Variants in HTR7 observed in about 807,000 individuals in gnomAD.
HTR7 encodes 5-hydroxytryptamine receptor 7.
In HTR7, 16 loss-of-function variants were observed where a neutral mutation model predicts 34.0. The ratio of observed to expected loss-of-function variants is 0.47; its 90% CI spans 0.32 to 0.71. The LOEUF is 0.71. Among genes scored for constraint, HTR7 ranks in the 30% least tolerant of loss-of-function variants. The pLI is 0.04. For synonymous variants in HTR7, 265 were observed against 260.2 expected, an observed-to-expected ratio of 1.02 and a Z score of -0.18; for missense variants, 504 against 625.5, an observed-to-expected ratio of 0.81 and a Z score of 2.07.
intron 1 of HTR7, among the ~76,000 whole-genome samples, chr10:90,853,808 C>G (rs886492705): frequency 6.6e-6 from 1 of 152,178 alleles, no homozygotes; most frequent in African/African-American, 2.4e-5. Flanking sequence ...ATAGACCATT[C>G]TTGCTTCTTC....
intron 1 of HTR7, among the ~76,000 whole-genome samples, chr10:90,854,522 AAAG>A (rs1195768060): frequency 6.6e-6 from 1 of 151,494 alleles, no homozygotes; most frequent in Non-Finnish European, 1.5e-5. Context: ...TTTTAACTGG[AAAG>A]AAGTAAAAAG....
chr10:90,783,407 C>T (rs1333059688), intron 1 of HTR7, among the ~76,000 whole-genome samples: 7 of 152,144 alleles, frequency 4.6e-5, no homozygotes, highest in Non-Finnish European at 8.8e-5. Context: ...TTCCTGCCTC[C>T]AGAATGCAGC....
chr10:90,839,067 G>A (rs950976334), intron 1 of HTR7, among the ~76,000 whole-genome samples: 2 of 152,150 alleles, frequency 1.3e-5, no homozygotes, highest in Non-Finnish European at 2.9e-5. Context: ...GATAAATCCT[G>A]TATAACTCAC....
Position 90,749,289 on chromosome 10 carries a change from T to G in HTR7, c.845A>C (p.Glu282Ala). The G allele has an allele frequency of 1.2e-6, 2 of 1,614,152 alleles. No homozygotes were observed. The highest frequency in any genetic ancestry group is 2.7e-5 in the African/African-American group (2 of 75,046). ...KHKFPGFPRV[E>A]PDSVIALNGI... ...ATTCAGGGCGATGACGCTGTCTGGC[T>G]CCACTCGAGGGAAGCCAGGAAACTT... is the stretch of plus-strand genomic sequence containing the variant. Residue 282 changes from glutamate (E) to alanine (A), a missense_variant, in exon 2 of 4, where the codon GAG becomes GCG. Physicochemically the swap from Glu to Ala is moderately radical, Grantham distance 107 (BLOSUM62 -1). Around this residue, in one of 4 missense-constraint regions of HTR7, gnomAD observed 57 missense variants for 47.5 expected, o/e 1.20. Coordinates refer to ENST00000336152, the MANE Select transcript of HTR7 (RefSeq NM_019859.4). The surrounding 1 kb of genome is among the most constrained non-coding windows in gnomAD (Gnocchi z 4.2).
At chr10:90,762,991 A>G (rs1288560715) in intron 1 of HTR7, among the ~76,000 whole-genome samples, 1 of 152,090 alleles carries the variant, frequency 6.6e-6, no homozygotes, top group Non-Finnish European at 1.5e-5. Flanking sequence ...TGTTACATTG[A>G]TCTATGTGTC....
At chr10:90,774,437 T>G (rs1305990828) in intron 1 of HTR7, among the ~76,000 whole-genome samples, 2 of 152,202 alleles carry the variant, frequency 1.3e-5, no homozygotes, top group African/African-American at 4.8e-5. Context: ...GGGGAGAAAT[T>G]CTACAATAGT....
At chr10:90,829,754 T>C (rs1357476279) in intron 1 of HTR7, among the ~76,000 whole-genome samples, 1 of 152,202 alleles carries the variant, frequency 6.6e-6, no homozygotes, top group Non-Finnish European at 1.5e-5. Flanking sequence ...AAAAACTATC[T>C]GAACTGATAA....
intron 1 of HTR7, among the ~76,000 whole-genome samples, chr10:90,841,112 C>T (rs1846322487): frequency 6.6e-6 from 1 of 152,190 alleles, no homozygotes. Context: ...ATTAGTTCTG[C>T]AACCTTAGGC....
intron 1 of HTR7, among the ~76,000 whole-genome samples, chr10:90,850,659 G>A (rs1444798742): frequency 1.3e-5 from 2 of 152,046 alleles, no homozygotes; most frequent in East Asian, 1.9e-4. Flanking sequence ...AGATGAAAAG[G>A]TAGAGAATTT....
chr10:90,803,552 C>G (rs1321710135), intron 1 of HTR7, among the ~76,000 whole-genome samples: 2 of 152,196 alleles, frequency 1.3e-5, no homozygotes, highest in African/African-American at 4.8e-5. Context: ...AGCTGCTGAT[C>G]ACCAGTTTCA....
chr10:90,796,448 C>A (rs1845539236), intron 1 of HTR7, among the ~76,000 whole-genome samples: 1 of 152,152 alleles, frequency 6.6e-6, no homozygotes, highest in African/African-American at 2.4e-5. Context: ...TCTGAAACAG[C>A]ACTTACAAAA....
chr10:90,802,025 T>C (rs890799037), intron 1 of HTR7, among the ~76,000 whole-genome samples: 12 of 152,316 alleles, frequency 7.9e-5, no homozygotes, highest in Middle Eastern at 6.8e-3. Context: ...AGCAGTGTCA[T>C]AGGGTAGAGA....
At chr10:90,806,234 A>G (rs1427631798) in intron 1 of HTR7, among the ~76,000 whole-genome samples, 6 of 152,212 alleles carry the variant, frequency 3.9e-5, no homozygotes, top group African/African-American at 1.4e-4. Context: ...GAGAAAGGAT[A>G]AAAGGGTAGG....
intron 1 of HTR7, among the ~76,000 whole-genome samples, chr10:90,817,674 G>C (rs949579706): frequency 7.9e-5 from 12 of 152,186 alleles, no homozygotes; most frequent in African/African-American, 2.9e-4. Flanking sequence ...ATTTTCCTGG[G>C]CAAGCCCTTA....
intron 1 of HTR7, among the ~76,000 whole-genome samples, chr10:90,761,187 C>T (rs954978883): frequency 6.6e-6 from 1 of 152,088 alleles, no homozygotes; most frequent in African/African-American, 2.4e-5. Context: ...ATACTTACTA[C>T]ATGTTATTTA....
At chr10:90,763,014 A>C (rs1373034276) in intron 1 of HTR7, among the ~76,000 whole-genome samples, 1 of 152,204 alleles carries the variant, frequency 6.6e-6, no homozygotes, top group Non-Finnish European at 1.5e-5. Flanking sequence ...TTTTTATGCC[A>C]GTACCATATT....
At chr10:90,813,430 C>T (rs547790471) in intron 1 of HTR7, among the ~76,000 whole-genome samples, 151 of 151,612 alleles carry the variant, frequency 1.0e-3, no homozygotes, top group African/African-American at 3.6e-3. Flanking sequence ...GCTGAGGCCA[C>T]AGGGTCGCTT....
intron 1 of HTR7, among the ~76,000 whole-genome samples, chr10:90,791,731 G>A (rs529318972): frequency 1.1e-4 from 16 of 152,150 alleles, no homozygotes; most frequent in East Asian, 3.9e-4. Context: ...ACTTGGATAC[G>A]ATTACAATTT....
intron 1 of HTR7, among the ~76,000 whole-genome samples, chr10:90,848,399 C>A (rs544645063): frequency 6.6e-6 from 1 of 152,182 alleles, no homozygotes; most frequent in Admixed American, 6.5e-5. Flanking sequence ...TATTTCCTTC[C>A]TTTTCTTTAT....
Sources: gnomAD v4.1 joint callset for allele counts (sites outside exome capture counted in the v4.1 genomes callset) on GRCh38, gnomAD v4.1.1 for gene constraint, gnomAD v4.1.1 regional missense constraint, Gnocchi (gnomAD v3.1) non-coding constraint, MANE v1.5 for transcripts, NCBI Gene and HGNC (gene_info 2026-07-23, HGNC 2026-07-21) for gene names.